Variants in HPCAL1 observed in about 807,000 individuals in gnomAD.
HPCAL1 encodes hippocalcin like 1.
In HPCAL1, 8 loss-of-function variants were observed where a neutral mutation model predicts 17.1. The ratio of observed to expected loss-of-function variants is 0.47; its 90% CI spans 0.27 to 0.84. The LOEUF (loss-of-function observed/expected upper bound fraction) is 0.84. HPCAL1 is among the 40% of genes least tolerant of loss of function. HPCAL1 has a pLI of 0.13. For synonymous variants in HPCAL1, 112 were observed against 111.4 expected (o/e 1.01, Z -0.03); for missense variants, 165 against 271.1 (o/e 0.61, Z 2.75).
intron 1 of HPCAL1, among the ~76,000 whole-genome samples, chr2:10,339,660 C>T (rs1394698302): frequency 6.6e-6 from 1 of 152,156 alleles, no homozygotes; most frequent in East Asian, 1.9e-4. Flanking sequence ...TATTTGAACT[C>T]TTTTACAGTA....
At chr2:10,399,075 A>G (rs1024234595) in intron 2 of HPCAL1, among the ~76,000 whole-genome samples, 1 of 151,836 alleles carries the variant, frequency 6.6e-6, no homozygotes, top group African/African-American at 2.4e-5. Flanking sequence ...GGTCGTGCTG[A>G]GGCTGATACC....
In HPCAL1 at chr2:10,342,077, G is replaced by A. The variant is rs1244061083; in HGVS notation, c.-111+38900G>A. ...CCCAGCTACTTGGGAGGCTAAGTTG[G>A]AAGGATGACTTGAGCCCAGGAGGTT... On this transcript the variant is annotated intron_variant, in intron 1 of 4. Coordinates refer to ENST00000307845, the MANE Select transcript of HPCAL1 (RefSeq NM_002149.4). This position sits in a 1 kb window ranked among gnomAD's most constrained non-coding sequence, Gnocchi z 4.1. Among the ~76,000 whole-genome samples, 1 of 151,918 alleles carries A rather than the reference G, an allele frequency of 6.6e-6. No individual in the cohort carries two copies.
At position 10,352,498 on chromosome 2, in the gene HPCAL1, C is replaced by T. The variant is rs548933633; in HGVS notation, c.-110-44337C>T. 2.0e-5 allele frequency among the ~76,000 whole-genome samples: 3 copies of T among 152,368 alleles called. No homozygotes were observed. The South Asian group carries it at 6.2e-4, about 32-fold the overall frequency. Reference sequence around the variant, plus strand: ...TTATGTTTGGAGCTAAATTAGTCCTCCTGGAAGCAGTTGACTTCATCCTCC... The same window carrying T: ...TTATGTTTGGAGCTAAATTAGTCCTTCTGGAAGCAGTTGACTTCATCCTCC... On this transcript the variant is annotated intron_variant, in intron 1 of 4. Coordinates refer to ENST00000307845, the MANE Select transcript of HPCAL1 (RefSeq NM_002149.4).
intron 2 of HPCAL1, among the ~76,000 whole-genome samples, chr2:10,413,016 T>C (rs1670451679): frequency 6.6e-6 from 1 of 152,232 alleles, no homozygotes; most frequent in Admixed American, 6.5e-5. Flanking sequence ...CATTCTTCTG[T>C]TGTGTTTATG....
At position 10,426,770 on chromosome 2, in the gene HPCAL1, C is replaced by G. The variant is rs775247359; in HGVS notation, c.531C>G (p.Pro177=). The change falls in exon 5 of 5, where the codon CCC becomes CCG. Residue 177 remains proline (P), a synonymous_variant. Coordinates refer to ENST00000307845, the MANE Select transcript of HPCAL1 (RefSeq NM_002149.4). ...TCATCAGAGGTGCCAAGAGCGACCCCTCCATCGTCCGCCTGCTGCAGTGCG... is the reference window on the plus strand; with the variant it reads ...TCATCAGAGGTGCCAAGAGCGACCCGTCCATCGTCCGCCTGCTGCAGTGCG... ...EEFIRGAKSD[P]SIVRLLQCDP... is the part of the protein sequence containing the mutation. 2 of 1,613,444 alleles carry G rather than the reference C, an allele frequency of 1.2e-6. No homozygotes were observed. The highest frequency in any genetic ancestry group is 1.7e-6 in the Non-Finnish European group (2 of 1,179,990).
rs534299016 is a variant in HPCAL1, at chr2:10,420,036, G to C, written c.279G>C (p.Ser93=). The C allele has an allele frequency of 8.7e-6, 14 of 1,613,894 alleles. No individual in the cohort carries two copies. The South Asian group carries it at 1.4e-4, about 16-fold the overall frequency. The part of the protein sequence containing the change: ...REFIIALSVT[S]RGKLEQKLKW... ...TCATCATTGCGCTGAGCGTGACCTCGCGGGGCAAGCTGGAGCAGAAGCTCA... is the reference window on the plus strand; with the variant it reads ...TCATCATTGCGCTGAGCGTGACCTCCCGGGGCAAGCTGGAGCAGAAGCTCA... Residue 93 remains serine (S), a synonymous_variant, in exon 3 of 5, where the codon TCG becomes TCC. Transcript: ENST00000307845.
chr2:10,329,620 G>A (rs1363977468), intron 1 of HPCAL1, among the ~76,000 whole-genome samples: 1 of 152,246 alleles, frequency 6.6e-6, no homozygotes, highest in Non-Finnish European at 1.5e-5. Flanking sequence ...ATGAAAACAC[G>A]ATTGTGGTGT....
intron 1 of HPCAL1, among the ~76,000 whole-genome samples, chr2:10,316,995 G>C (rs913325259): frequency 1.3e-5 from 2 of 152,064 alleles, no homozygotes; most frequent in Non-Finnish European, 1.5e-5. Flanking sequence ...CTGGGCCCTC[G>C]GGTTATTACA....
rs562698491 is a variant in HPCAL1 at position 10,359,510 on chromosome 2, G to C, written c.-110-37325G>C. On this transcript the variant is annotated intron_variant, in intron 1 of 4. Transcript: ENST00000307845. The surrounding 1 kb of genome is among the most constrained non-coding windows in gnomAD (Gnocchi z 4.1). ...CAGGATTAGAGGCAGAGTTGGCCCA[G>C]AGGGAACATTTCTCCCACCCTCTGT... Among the ~76,000 whole-genome samples the C allele has an allele frequency of 1.3e-5, 2 of 152,346 alleles. No homozygotes were observed. The highest frequency in any genetic ancestry group is 1.3e-4 in the Admixed American group (2 of 15,304).
At chr2:10,386,361 C>T (rs930666822) in intron 1 of HPCAL1, among the ~76,000 whole-genome samples, 1 of 152,212 alleles carries the variant, frequency 6.6e-6, no homozygotes, top group African/African-American at 2.4e-5. Flanking sequence ...TACTCGCTGA[C>T]TCATTCATTT....
At position 10,331,428 on chromosome 2, in the gene HPCAL1, ATGTCCCT is replaced by A. The variant is rs746037977; in HGVS notation, c.-111+28258_-111+28264del. Among the ~76,000 whole-genome samples, 1 of 151,796 alleles carries A rather than the reference ATGTCCCT, an allele frequency of 6.6e-6. No homozygotes were observed. The highest frequency in any genetic ancestry group is 1.5e-5 in the Non-Finnish European group (1 of 67,938). On this transcript the variant is annotated intron_variant, in intron 1 of 4. Coordinates refer to ENST00000307845, the MANE Select transcript of HPCAL1 (RefSeq NM_002149.4). The surrounding 1 kb of genome is among the most constrained non-coding windows in gnomAD (Gnocchi z 5.0). ...AGGCACGGGGCTGGCTCCTTTCTTC[ATGTCCCT>A]TGTCCCACAGGACACCGTTTCTGAA...
chr2:10,308,538 G>T (rs1171011299), intron 1 of HPCAL1, among the ~76,000 whole-genome samples: 1 of 152,100 alleles, frequency 6.6e-6, no homozygotes, highest in Non-Finnish European at 1.5e-5. Flanking sequence ...TGTTTCATTT[G>T]GGCCTTCCTA....
At chr2:10,401,974 C>T (rs1403090194) in intron 2 of HPCAL1, among the ~76,000 whole-genome samples, 2 of 151,318 alleles carry the variant, frequency 1.3e-5, no homozygotes, top group Non-Finnish European at 3.0e-5. Context: ...GATCTCAGCT[C>T]ACTGCAAGCT....
rs189867641 is a variant in HPCAL1, at chr2:10,377,198, G to A, written c.-110-19637G>A. 1.1e-4 allele frequency among the ~76,000 whole-genome samples: 16 copies of A among 152,254 alleles called. No homozygotes were observed. The East Asian group carries it at 1.4e-3, about 13-fold the overall frequency. On this transcript the variant is annotated intron_variant, in intron 1 of 4. Transcript: ENST00000307845. This position sits in a 1 kb window ranked among gnomAD's most constrained non-coding sequence, Gnocchi z 5.9. ...GTGAGGCTGCATCCTTCTAGAAAGC[G>A]CTGTTGAGAGGTGTGAGGAGGCTGC...
At chr2:10,385,362 G>GCAGTGTC (rs55874921) in intron 1 of HPCAL1, among the ~76,000 whole-genome samples, 101,940 of 151,310 alleles carry the variant, frequency 0.67, 35,328 homozygotes, top group African/African-American at 0.82. Flanking sequence ...TGTCGGGAAT[G>GCAGTGTC]CAGGGCTGAA....
intron 1 of HPCAL1, among the ~76,000 whole-genome samples, chr2:10,346,211 T>G (rs1665435259): frequency 6.8e-6 from 1 of 146,646 alleles, no homozygotes; most frequent in Admixed American, 6.8e-5. Flanking sequence ...TGAGGGGGGG[T>G]GACGGGGAGA....
At chr2:10,348,626 T>TAAAAAA (rs144777297) in intron 1 of HPCAL1, among the ~76,000 whole-genome samples, 2 of 150,088 alleles carry the variant, frequency 1.3e-5, no homozygotes, top group Non-Finnish European at 1.5e-5. Flanking sequence ...TATATATATA[T>TAAAAAA]AAATTAGCCA....
At chr2:10,374,409 G>A (rs770095921) in intron 1 of HPCAL1, among the ~76,000 whole-genome samples, 28 of 152,224 alleles carry the variant, frequency 1.8e-4, no homozygotes, top group Middle Eastern at 3.4e-3. Flanking sequence ...TGGCACCTGC[G>A]TTACAAGATT....
rs1553360283 is a variant in HPCAL1 at position 10,410,436 on chromosome 2, C to CATTT, written c.-24-9298_-24-9297insATTT. Among the ~76,000 whole-genome samples, 193 of 77,530 alleles carry CATTT rather than the reference C, an allele frequency of 2.5e-3. 4 individuals carry two copies. Among genetic ancestry groups the CATTT allele is most frequent in the Non-Finnish European group, 4.4e-3 (190 of 43,396 alleles). The allele number at this position is 77,530 out of a possible 152,430, so 50.9% of individuals were successfully genotyped here. A position where few individuals can be genotyped will look rare whatever the true frequency, so the allele number is the denominator to read the frequency against. ...CCTTGTTCCTCTTTTTCTTCTTCTT[C>CATTT]TTTTTTTTTTTTTTTTTTTTTTTTT... is the stretch of plus-strand genomic sequence containing the variant. On this transcript the variant is annotated intron_variant, in intron 2 of 4. Transcript: ENST00000307845.
Sources: gnomAD v4.1 joint callset for allele counts (sites outside exome capture counted in the v4.1 genomes callset) on GRCh38, gnomAD v4.1.1 for gene constraint, Gnocchi (gnomAD v3.1) non-coding constraint, MANE v1.5 for transcripts, NCBI Gene and HGNC (gene_info 2026-07-23, HGNC 2026-07-21) for gene names.